The following FBXL17 variants were observed in gnomAD, a reference collection of about 807,000 sequenced individuals.
FBXL17 encodes the protein F-box and leucine rich repeat protein 17.
FBXL17 carries 22 observed loss-of-function variants against 66.2 expected under a neutral mutation model. The ratio of observed to expected loss-of-function variants is 0.33; its 90% CI spans 0.24 to 0.47. FBXL17 has a LOEUF of 0.47. Ranked by LOEUF, FBXL17 falls within the 20% of genes least tolerant of loss-of-function variation. The pLI, the probability that FBXL17 is intolerant of heterozygous loss-of-function variation, is 1.00. For synonymous variants in FBXL17, 474 were observed against 400.5 expected, an observed-to-expected ratio of 1.18 and a Z score of -2.19; for missense variants, 878 against 948.2, an observed-to-expected ratio of 0.93 and a Z score of 0.97.
chr5:108,061,478 C>A (rs558749098), intron 6 of FBXL17, among the ~76,000 whole-genome samples: 1 of 152,134 alleles, frequency 6.6e-6, no homozygotes, highest in East Asian at 1.9e-4. Flanking sequence ...CTGGCCAGAC[C>A]CCATCCACAG....
chr5:108,004,310 T>G (rs1375034020), intron 7 of FBXL17, among the ~76,000 whole-genome samples: 1 of 152,198 alleles, frequency 6.6e-6, no homozygotes, highest in Non-Finnish European at 1.5e-5. Context: ...TTTTCCCCAT[T>G]TTTTAATAAA....
intron 5 of FBXL17, among the ~76,000 whole-genome samples, chr5:108,217,002 C>T (rs796333975): frequency 5.3e-5 from 8 of 152,234 alleles, no homozygotes; most frequent in East Asian, 1.9e-4. Flanking sequence ...CAGTGGGCTC[C>T]GGTGGGTTCC....
chr5:108,278,058 G>A (rs1757556081), intron 4 of FBXL17, among the ~76,000 whole-genome samples: 1 of 152,136 alleles, frequency 6.6e-6, no homozygotes. Flanking sequence ...GAAGGAAAAG[G>A]AGAAAAGGCA....
At chr5:108,171,553 C>T (rs1287762306) in intron 6 of FBXL17, among the ~76,000 whole-genome samples, 3 of 152,158 alleles carry the variant, frequency 2.0e-5, no homozygotes, top group Non-Finnish European at 4.4e-5. Flanking sequence ...ATATAAAATT[C>T]CCCACATAGG....
At chr5:108,027,179 G>A (rs1754857299) in intron 6 of FBXL17, among the ~76,000 whole-genome samples, 1 of 152,056 alleles carries the variant, frequency 6.6e-6, no homozygotes, top group Admixed American at 6.6e-5. Context: ...AACTTAATTT[G>A]AGTGTTTCTT....
intron 5 of FBXL17, among the ~76,000 whole-genome samples, chr5:108,214,685 G>C (rs1365712615): frequency 6.6e-6 from 1 of 151,920 alleles, no homozygotes; most frequent in African/African-American, 2.4e-5. Flanking sequence ...TATTAATTTT[G>C]ATCAGGCTTT....
intron 7 of FBXL17, among the ~76,000 whole-genome samples, chr5:108,001,904 A>T (rs28572348): frequency 0.017 from 2,584 of 152,250 alleles, 69 homozygotes; most frequent in African/African-American, 0.059. Flanking sequence ...CTCTTGTGCT[A>T]TTAAAGAATC....
intron 7 of FBXL17, among the ~76,000 whole-genome samples, chr5:107,955,075 T>A (rs992507401): frequency 6.6e-6 from 1 of 152,074 alleles, no homozygotes; most frequent in African/African-American, 2.4e-5. Flanking sequence ...TCAGTTTTAA[T>A]TATAAAACAA....
At chr5:108,220,355 G>C (rs975945187) in intron 5 of FBXL17, among the ~76,000 whole-genome samples, 2 of 152,060 alleles carry the variant, frequency 1.3e-5, no homozygotes, top group African/African-American at 4.8e-5. Flanking sequence ...CCCCCAACCT[G>C]TGCTGCAGTC....
At chr5:107,910,437 T>C (rs1381446316) in intron 7 of FBXL17, among the ~76,000 whole-genome samples, 2 of 152,010 alleles carry the variant, frequency 1.3e-5, no homozygotes, top group African/African-American at 4.8e-5. Flanking sequence ...AAAGTATCCA[T>C]CTGAAACTGA....
chr5:108,287,609 TAAAC>T (rs1362980147), intron 4 of FBXL17, among the ~76,000 whole-genome samples: 3 of 151,540 alleles, frequency 2.0e-5, no homozygotes, highest in African/African-American at 2.4e-5. Flanking sequence ...TAAAAAAAAA[TAAAC>T]AACAGGTGTT....
chr5:108,339,326 A>C (rs908870826), intron 4 of FBXL17, among the ~76,000 whole-genome samples: 20 of 152,192 alleles, frequency 1.3e-4, no homozygotes, highest in African/African-American at 4.8e-4. Context: ...GTAGTTCAGG[A>C]AAATATCCTC....
At chr5:108,254,970 G>A (rs375588237) in intron 4 of FBXL17, among the ~76,000 whole-genome samples, 22 of 152,064 alleles carry the variant, frequency 1.4e-4, no homozygotes, top group African/African-American at 3.6e-4. Context: ...ACGTATCTAC[G>A]ATGCTGGAAA....
At chr5:108,238,419 A>T (rs1755701404) in intron 4 of FBXL17, among the ~76,000 whole-genome samples, 2 of 152,378 alleles carry the variant, frequency 1.3e-5, no homozygotes, top group South Asian at 4.1e-4. Context: ...ACAATTTAGT[A>T]AGAAGGGCAC....
At chr5:108,249,415 T>C (rs1756249579) in intron 4 of FBXL17, among the ~76,000 whole-genome samples, 1 of 152,202 alleles carries the variant, frequency 6.6e-6, no homozygotes, top group Non-Finnish European at 1.5e-5. Flanking sequence ...TTATTTACTA[T>C]CTGGTCAAAC....
chr5:107,930,978 A>G (rs139015958), intron 7 of FBXL17, among the ~76,000 whole-genome samples: 117 of 89,786 alleles, frequency 1.3e-3, no homozygotes, highest in African/African-American at 5.0e-3. Flanking sequence ...ACTGGATAAA[A>G]AGTAAATAAA....
chr5:108,242,919 C>A (rs774057614), intron 4 of FBXL17, among the ~76,000 whole-genome samples: 14 of 152,228 alleles, frequency 9.2e-5, no homozygotes, highest in Middle Eastern at 3.4e-3. Context: ...TTTTAAATCT[C>A]ATTAAAATTT....
At chr5:108,024,472 C>T (rs1004365539) in intron 6 of FBXL17, among the ~76,000 whole-genome samples, 1 of 152,078 alleles carries the variant, frequency 6.6e-6, no homozygotes, top group Non-Finnish European at 1.5e-5. Flanking sequence ...CAAGATAACT[C>T]CATATGAAAA....
chr5:108,318,614 A>T (rs1269119446), intron 4 of FBXL17, among the ~76,000 whole-genome samples: 1 of 151,886 alleles, frequency 6.6e-6, no homozygotes, highest in Non-Finnish European at 1.5e-5. Context: ...TCTCATCAAA[A>T]CTGTATTTCA....
Sources: gnomAD v4.1 joint callset for allele counts (sites outside exome capture counted in the v4.1 genomes callset) on GRCh38, gnomAD v4.1.1 for gene constraint, MANE v1.5 for transcripts, NCBI Gene and HGNC (gene_info 2026-07-23, HGNC 2026-07-21) for gene names.